SDK1: variants seen among roughly 807,000 people sequenced by gnomAD.
SDK1 encodes sidekick cell adhesion molecule 1.
A neutral mutation model predicts 245.5 loss-of-function variants in SDK1; 157 were observed. The observed-to-expected ratio is 0.64, with a 90% CI of 0.56 to 0.73. The LOEUF (loss-of-function observed/expected upper bound fraction) is 0.73. Among genes scored for constraint, SDK1 ranks in the 30% least tolerant of loss-of-function variants. The probability of loss-of-function intolerance (pLI) is 0.00; values close to 1 mark genes in which losing one functional copy is unlikely to be tolerated. For missense variants in SDK1, 3,583 were observed against 3,002.3 expected (o/e 1.19, Z -4.52); for synonymous variants, 1,647 against 1,278.5 (o/e 1.29, Z -6.15).
intron 4 of SDK1, among the ~76,000 whole-genome samples, chr7:3,669,994 C>G (rs1473168946): frequency 6.6e-6 from 1 of 152,192 alleles, no homozygotes; most frequent in East Asian, 1.9e-4. Context: ...TCTCTTCCAC[C>G]ACATCCAGTC....
intron 1 of SDK1, among the ~76,000 whole-genome samples, chr7:3,482,804 G>A (rs1224531578): frequency 3.3e-5 from 5 of 152,162 alleles, no homozygotes; most frequent in African/African-American, 1.2e-4. Flanking sequence ...AGGAAAACAG[G>A]TAAAGGATTC....
chr7:3,938,097 A>T (rs1042399540), intron 5 of SDK1, among the ~76,000 whole-genome samples: 1 of 152,104 alleles, frequency 6.6e-6, no homozygotes, highest in African/African-American at 2.4e-5. Flanking sequence ...TTGACCTCCC[A>T]AAGTGCTGGG....
At chr7:3,750,957 T>G (rs1182825232) in intron 4 of SDK1, among the ~76,000 whole-genome samples, 1 of 152,216 alleles carries the variant, frequency 6.6e-6, no homozygotes, top group Non-Finnish European at 1.5e-5. Flanking sequence ...TGCGACTGTT[T>G]TACCTCCCTG....
chr7:4,112,031 A>G (rs1363282965), intron 23 of SDK1, among the ~76,000 whole-genome samples: 2 of 152,180 alleles, frequency 1.3e-5, no homozygotes, highest in African/African-American at 2.4e-5. Flanking sequence ...TTACCTGACA[A>G]AGTTTATTCT....
chr7:3,958,324 A>G (rs1781422760), intron 7 of SDK1: 1 of 264,864 alleles, frequency 3.8e-6, no homozygotes, highest in Non-Finnish European at 7.4e-6. Flanking sequence ...TAATACAACC[A>G]CTGTTTTTTT....
At chr7:3,382,989 A>C (rs1008939908) in intron 1 of SDK1, among the ~76,000 whole-genome samples, 1 of 152,210 alleles carries the variant, frequency 6.6e-6, no homozygotes, top group South Asian at 2.1e-4. Context: ...TCCCCAACTT[A>C]TGAATACCAT....
In SDK1 at chr7:4,195,687, C is replaced by T. The variant is rs111379413; in HGVS notation, c.5099-10192C>T. Among the ~76,000 whole-genome samples the T allele has an allele frequency of 3.9e-4, 59 of 152,326 alleles. 1 individual carries two copies. Among genetic ancestry groups the T allele is most frequent in the African/African-American group, 1.3e-3 (55 of 41,584 alleles). ...GGCTCCTGGCTCTGTCCCCATAACC[C>T]TGGGTAAATTACTCCACCTCCCTGG... is the stretch of plus-strand genomic sequence containing the variant. On this transcript the variant is annotated intron_variant, in intron 35 of 44. Coordinates refer to ENST00000404826, the MANE Select transcript of SDK1 (RefSeq NM_152744.4).
At chr7:4,194,040 G>A (rs1035810404) in intron 35 of SDK1, among the ~76,000 whole-genome samples, 7 of 152,066 alleles carry the variant, frequency 4.6e-5, no homozygotes, top group Admixed American at 2.6e-4. Context: ...AGAGTCCTTA[G>A]CATTTTTGGA....
At chr7:3,783,725 A>C (rs1780819658) in intron 4 of SDK1, among the ~76,000 whole-genome samples, 1 of 152,204 alleles carries the variant, frequency 6.6e-6, no homozygotes. Context: ...TAAATGGAAA[A>C]ATATTTTATG....
chr7:4,226,806 G>C (rs1024560305), intron 40 of SDK1, among the ~76,000 whole-genome samples: 1 of 152,190 alleles, frequency 6.6e-6, no homozygotes, highest in African/African-American at 2.4e-5. Context: ...GGTAGATCAT[G>C]AAGCCTAATT....
intron 1 of SDK1, among the ~76,000 whole-genome samples, chr7:3,518,672 A>C (rs1301381975): frequency 6.7e-6 from 1 of 148,958 alleles, no homozygotes; most frequent in Non-Finnish European, 1.5e-5. Context: ...TTAAAAAGAC[A>C]AAAAAAAACA....
chr7:4,195,860 C>T (rs913931020), intron 35 of SDK1, among the ~76,000 whole-genome samples: 4 of 152,138 alleles, frequency 2.6e-5, no homozygotes, highest in African/African-American at 9.7e-5. Flanking sequence ...GGCAACAAGC[C>T]TGCTAACATG....
intron 4 of SDK1, among the ~76,000 whole-genome samples, chr7:3,673,717 G>T (rs1252423857): frequency 1.3e-5 from 2 of 152,086 alleles, no homozygotes; most frequent in Non-Finnish European, 2.9e-5. Flanking sequence ...CCAAAACTGC[G>T]CCCCCTGCTG....
intron 5 of SDK1, among the ~76,000 whole-genome samples, chr7:3,909,316 A>G (rs1304443679): frequency 6.6e-6 from 1 of 151,926 alleles, no homozygotes; most frequent in Non-Finnish European, 1.5e-5. Context: ...CCAGACTTAA[A>G]TCCTGCCTGG....
chr7:3,762,763 A>G (rs972173549), intron 4 of SDK1, among the ~76,000 whole-genome samples: 1 of 152,230 alleles, frequency 6.6e-6, no homozygotes, highest in African/African-American at 2.4e-5. Context: ...TGAAGAGACC[A>G]CTGACTTTTA....
At chr7:3,402,910 T>A (rs1379189322) in intron 1 of SDK1, among the ~76,000 whole-genome samples, 1 of 152,108 alleles carries the variant, frequency 6.6e-6, no homozygotes, top group Non-Finnish European at 1.5e-5. Flanking sequence ...TTTGGCTTAT[T>A]ATGAATTAGA....
rs531516959 is a variant in SDK1 at position 4,079,068 on chromosome 7, G to A, written c.3203-395G>A. 3.3e-5 allele frequency among the ~76,000 whole-genome samples: 5 copies of A among 152,330 alleles called. No homozygotes were observed. In the South Asian group the frequency reaches 8.3e-4, roughly 25 times the overall value. ...TCCGAGGCCGCGGTAATTATGAAAG[G>A]AAGTACGGCCCGCTCGTTCTCTGTG... On this transcript the variant is annotated intron_variant, in intron 21 of 44. Transcript: ENST00000404826.
At chr7:4,117,082 C>T (rs1783762434) in intron 25 of SDK1, among the ~76,000 whole-genome samples, 1 of 152,208 alleles carries the variant, frequency 6.6e-6, no homozygotes, top group Non-Finnish European at 1.5e-5. Flanking sequence ...GTTCTAAATC[C>T]AGTAAAAGGC....
chr7:3,639,461 T>G (rs1040230158), intron 3 of SDK1, among the ~76,000 whole-genome samples: 1 of 152,182 alleles, frequency 6.6e-6, no homozygotes, highest in Non-Finnish European at 1.5e-5. Flanking sequence ...TTCAACCCAA[T>G]TAGGTCAAAG....
Sources: gnomAD v4.1 joint callset for allele counts (sites outside exome capture counted in the v4.1 genomes callset) on GRCh38, gnomAD v4.1.1 for gene constraint, MANE v1.5 for transcripts, NCBI Gene and HGNC (gene_info 2026-07-23, HGNC 2026-07-21) for gene names.